The following PDE1C variants were observed in gnomAD, a reference collection of about 807,000 sequenced individuals.
PDE1C encodes the protein phosphodiesterase 1C.
A neutral mutation model predicts 93.1 loss-of-function variants in PDE1C; 62 were observed. The ratio of observed to expected loss-of-function variants is 0.67; its 90% confidence interval spans 0.54 to 0.82. The LOEUF is 0.82. PDE1C is among the 40% of genes least tolerant of loss of function. The probability of loss-of-function intolerance (pLI) is 0.00; values close to 1 mark genes in which losing one functional copy is unlikely to be tolerated. For missense variants in PDE1C, 742 were observed against 884.6 expected, an observed-to-expected ratio of 0.84 and a Z score of 2.04; for synonymous variants, 325 against 310.1, an observed-to-expected ratio of 1.05 and a Z score of -0.50.
chr7:31,953,815 A>C (rs550937839), intron 2 of PDE1C, among the ~76,000 whole-genome samples: 1 of 152,308 alleles, frequency 6.6e-6, no homozygotes, highest in Admixed American at 6.5e-5. Context: ...AAAAAAGACA[A>C]TAAGTCTTGT....
intron 3 of PDE1C, among the ~76,000 whole-genome samples, chr7:32,102,756 G>A (rs1197283861): frequency 6.6e-6 from 1 of 152,208 alleles, no homozygotes; most frequent in Non-Finnish European, 1.5e-5. Context: ...TTGTCTCCTG[G>A]AGACTAATGG....
chr7:32,065,440 T>G (rs1381016906), intron 1 of PDE1C, among the ~76,000 whole-genome samples: 4 of 152,194 alleles, frequency 2.6e-5, no homozygotes, highest in Non-Finnish European at 5.9e-5. Flanking sequence ...TTCACTGTAG[T>G]CTGTAACACC....
chr7:31,802,931 T>C (rs1203618830), intron 16 of PDE1C, among the ~76,000 whole-genome samples: 1 of 151,760 alleles, frequency 6.6e-6, no homozygotes, highest in African/African-American at 2.4e-5. Flanking sequence ...TTGAGCTTCT[T>C]GAATCTGTGG....
At chr7:31,624,114 A>C in the PDE1C span, among the ~76,000 whole-genome samples, 1 of 150,988 alleles carries the variant, frequency 6.6e-6, no homozygotes, top group Admixed American at 6.6e-5. Flanking sequence ...GCTCAATGAA[A>C]TAAAAGAGGA....
intron 2 of PDE1C, among the ~76,000 whole-genome samples, chr7:32,179,007 G>T (rs545419028): frequency 1.3e-5 from 2 of 152,250 alleles, no homozygotes; most frequent in African/African-American, 4.8e-5. Context: ...TGAACACTGG[G>T]ACACTAAGAC....
intron 1 of PDE1C, among the ~76,000 whole-genome samples, chr7:32,266,831 G>T (rs1452884243): frequency 6.7e-6 from 1 of 150,122 alleles, no homozygotes; most frequent in African/African-American, 2.4e-5. Flanking sequence ...TCTTAGCCTC[G>T]GTCCTCAGAT....
At chr7:32,380,450 G>A (rs903790712) in intron 1 of PDE1C, among the ~76,000 whole-genome samples, 13 of 140,714 alleles carry the variant, frequency 9.2e-5, no homozygotes, top group East Asian at 2.1e-4. Context: ...GTTCCACATC[G>A]TTAGCCAGGC....
intron 2 of PDE1C, among the ~76,000 whole-genome samples, chr7:31,919,505 T>C (rs1802346353): frequency 6.6e-6 from 1 of 151,890 alleles, no homozygotes; most frequent in Non-Finnish European, 1.5e-5. Context: ...GTTGAGGAAA[T>C]GAATAAGTGA....
the PDE1C span, chr7:31,652,864 T>C: frequency 6.3e-7 from 1 of 1,595,164 alleles, no homozygotes; most frequent in Non-Finnish European, 8.6e-7. Context: ...ATACAAAATA[T>C]AAAGGCCCAG....
At chr7:31,871,971 A>G (rs1375497928) in intron 6 of PDE1C, among the ~76,000 whole-genome samples, 1 of 152,194 alleles carries the variant, frequency 6.6e-6, no homozygotes, top group African/African-American at 2.4e-5. Context: ...TATAGAATCA[A>G]GCTAAGTGTC....
chr7:31,878,136 G>T, intron 4 of PDE1C, 100 bp from the exon 5 acceptor site: 2 of 769,958 alleles, frequency 2.6e-6, no homozygotes, highest in Non-Finnish European at 4.3e-6. Context: ...AAGAAGTCAA[G>T]TGGGGTGATC....
the PDE1C span, among the ~76,000 whole-genome samples, chr7:31,714,999 A>C: frequency 2.0e-5 from 3 of 152,172 alleles, no homozygotes; most frequent in Non-Finnish European, 4.4e-5. Flanking sequence ...CTGCTTTATA[A>C]GATGCTGGAT....
chr7:32,219,646 T>A (rs1806691112), intron 1 of PDE1C, among the ~76,000 whole-genome samples: 1 of 152,178 alleles, frequency 6.6e-6, no homozygotes, highest in African/African-American at 2.4e-5. Flanking sequence ...GCCCTCCTGG[T>A]TGATACCCTG....
chr7:31,948,898 G>A (rs1457076171), intron 2 of PDE1C, among the ~76,000 whole-genome samples: 1 of 152,164 alleles, frequency 6.6e-6, no homozygotes, highest in African/African-American at 2.4e-5. Context: ...TAAAAGTTGT[G>A]CAGTTTGCTG....
At chr7:32,368,225 T>C (rs1784260808) in intron 1 of PDE1C, among the ~76,000 whole-genome samples, 1 of 152,014 alleles carries the variant, frequency 6.6e-6, no homozygotes, top group Admixed American at 6.6e-5. Flanking sequence ...CATAATCTTA[T>C]ATATAGAAAA....
At chr7:31,946,682 G>T (rs1012310617) in intron 2 of PDE1C, among the ~76,000 whole-genome samples, 2 of 152,156 alleles carry the variant, frequency 1.3e-5, no homozygotes, top group African/African-American at 4.8e-5. Flanking sequence ...TAAATAGCAT[G>T]GGCTCCCAGA....
At chr7:32,078,061 GA>G (rs1201254921) in intron 3 of PDE1C, 1 of 983,628 alleles carries the variant, frequency 1.0e-6, no homozygotes, top group East Asian at 1.1e-4. Context: ...TAATGAAATT[GA>G]AATTTTTGTT....
At chr7:32,092,647 A>G (rs1479456989) in intron 3 of PDE1C, among the ~76,000 whole-genome samples, 1 of 152,230 alleles carries the variant, frequency 6.6e-6, no homozygotes, top group Non-Finnish European at 1.5e-5. Context: ...GGGAGGTTAA[A>G]GCAGAAATTA....
At chr7:32,324,676 C>T (rs542596030) in intron 1 of PDE1C, among the ~76,000 whole-genome samples, 4 of 152,168 alleles carry the variant, frequency 2.6e-5, no homozygotes, top group Non-Finnish European at 4.4e-5. Context: ...AGGTTGGGCG[C>T]GGTGGCTCAT....
Sources: allele counts gnomAD v4.1 joint callset (sites outside exome capture counted in the v4.1 genomes callset), GRCh38; gene constraint gnomAD v4.1.1; transcripts MANE v1.5; gene names NCBI Gene and HGNC (gene_info 2026-07-23, HGNC 2026-07-21).